The following FRYL variants were observed in gnomAD, a reference collection of about 807,000 sequenced individuals.
The protein encoded by FRYL is protein furry homolog-like.
FRYL carries 150 observed loss-of-function variants against 351.2 expected under a neutral mutation model. The ratio of observed to expected loss-of-function variants is 0.43; its 90% CI spans 0.37 to 0.49. The LOEUF (loss-of-function observed/expected upper bound fraction) is 0.49. Among genes scored for constraint, FRYL ranks in the 20% least tolerant of loss-of-function variants. The probability of loss-of-function intolerance (pLI) is 0.00; values close to 1 mark genes in which losing one functional copy is unlikely to be tolerated. For missense variants in FRYL, 3,036 were observed against 3,619.3 expected (o/e 0.84, Z 4.13); for synonymous variants, 1,153 against 1,257.1 (o/e 0.92, Z 1.75).
chr4:48,552,244 GGTGTGTGTGTGT>G (rs67155390), intron 36 of FRYL, among the ~76,000 whole-genome samples: 3,595 of 145,336 alleles, frequency 0.025, 51 homozygotes, highest in Middle Eastern at 0.043. Flanking sequence ...AGTCCAAAGG[GGTGTGTGTGTGT>G]GTGTGTGTGT....
intron 54 of FRYL, among the ~76,000 whole-genome samples, chr4:48,521,977 A>T (rs1364477766): frequency 6.6e-6 from 1 of 152,100 alleles, no homozygotes; most frequent in Non-Finnish European, 1.5e-5. Flanking sequence ...GAGCAAATGG[A>T]TCTAAATTAA....
intron 48 of FRYL, 49 bp downstream of exon 48, chr4:48,535,608 C>CACAG (rs1319707833): frequency 8.6e-7 from 1 of 1,157,160 alleles, no homozygotes; most frequent in Non-Finnish European, 1.2e-6. Context: ...CACACACACA[C>CACAG]ACACACATAT....
rs7670111 is a variant in FRYL at position 48,542,082 on chromosome 4, T to C, written c.5632A>G (p.Ile1878Val). The C allele has an allele frequency of 4.2e-3, 6,721 of 1,613,772 alleles. 234 individuals carry two copies. In the African/African-American group the frequency reaches 0.076, roughly 18 times the overall value. Residue 1878 changes from isoleucine to valine, a missense_variant, in exon 45 of 64, where the codon ATT becomes GTT. Physicochemically the swap from Ile to Val is conservative, Grantham distance 29. Coordinates refer to ENST00000358350, the MANE Select transcript of FRYL (RefSeq NM_015030.2). ...IELLLTLESA[I>V]DTLAETMKHY... Reference sequence around the variant, plus strand: ...TTCATGGTTTCAGCCAAAGTATCAATTGCAGATTCCAATGTGAGAAGAAGC... The same window carrying C: ...TTCATGGTTTCAGCCAAAGTATCAACTGCAGATTCCAATGTGAGAAGAAGC...
chr4:48,579,476 G>A (rs1247384728), intron 22 of FRYL, among the ~76,000 whole-genome samples: 1 of 151,968 alleles, frequency 6.6e-6, no homozygotes, highest in Non-Finnish European at 1.5e-5. Flanking sequence ...TTCTCAAGAG[G>A]ACTATAAACC....
At chr4:48,578,743 T>C (rs1416775685) in intron 23 of FRYL, among the ~76,000 whole-genome samples, 1 of 152,210 alleles carries the variant, frequency 6.6e-6, no homozygotes, top group East Asian at 1.9e-4. Flanking sequence ...TACAGTGTTA[T>C]TAAGTAAATT....
chr4:48,656,275 AAT>A (rs1478677387), intron 3 of FRYL, among the ~76,000 whole-genome samples: 1 of 127,988 alleles, frequency 7.8e-6, no homozygotes, highest in Non-Finnish European at 1.6e-5. Context: ...ACATTATTCA[AAT>A]ATGAATTCAA....
chr4:48,677,700 C>T (rs927765863), intron 3 of FRYL, among the ~76,000 whole-genome samples: 73 of 152,094 alleles, frequency 4.8e-4, no homozygotes, highest in African/African-American at 1.5e-3. Context: ...CGTGAGCCAC[C>T]GCGTCAGCCC....
chr4:48,530,497 T>TA (rs1410512489), intron 50 of FRYL, among the ~76,000 whole-genome samples: 1 of 152,162 alleles, frequency 6.6e-6, no homozygotes, highest in South Asian at 2.1e-4. Context: ...ATACGCCAAC[T>TA]AAAAATCCTT....
chr4:48,693,486 C>A (rs1342357138), intron 2 of FRYL, among the ~76,000 whole-genome samples: 1 of 151,654 alleles, frequency 6.6e-6, no homozygotes, highest in Non-Finnish European at 1.5e-5. Flanking sequence ...TACTATTCTC[C>A]CCGTTTATTT....
chr4:48,765,664 C>G (rs543572890), intron 1 of FRYL, among the ~76,000 whole-genome samples: 9 of 152,072 alleles, frequency 5.9e-5, no homozygotes, highest in Admixed American at 3.9e-4. Context: ...GTCAAACTAA[C>G]AAGTTTCTGC....
chr4:48,510,216 CA>C, intron 58 of FRYL, 59 bp from the exon 59 acceptor site: 1 of 1,251,150 alleles, frequency 8.0e-7, no homozygotes, highest in Non-Finnish European at 1.2e-6. Flanking sequence ...ATGAGACTCA[CA>C]AAATCATGAG....
chr4:48,563,589 A>G (rs763033161), intron 31 of FRYL, among the ~76,000 whole-genome samples: 3 of 151,988 alleles, frequency 2.0e-5, no homozygotes, highest in Non-Finnish European at 2.9e-5. Flanking sequence ...GGGAGCCTAC[A>G]GTCCTGGCTA....
chr4:48,571,052 T>C, intron 26 of FRYL, 134 bp from the exon 27 acceptor site: 1 of 584,986 alleles, frequency 1.7e-6, no homozygotes. Flanking sequence ...GTGGGTACTC[T>C]GGTAGCTACT....
intron 2 of FRYL, among the ~76,000 whole-genome samples, chr4:48,700,530 C>T (rs1409589108): frequency 6.6e-6 from 1 of 152,094 alleles, no homozygotes; most frequent in African/African-American, 2.4e-5. Flanking sequence ...CAGCTAGACA[C>T]AGTGGTCACG....
chr4:48,573,391 A>T (rs1383935417), intron 25 of FRYL, 148 bp from the exon 26 acceptor site: 31 of 594,012 alleles, frequency 5.2e-5, no homozygotes, highest in Admixed American at 9.8e-5. Flanking sequence ...TTTGGTTTAT[A>T]AAATAACACA....
At chr4:48,580,983 T>G in intron 21 of FRYL, 32 bp from the exon 22 acceptor site, 1 of 1,438,440 alleles carries the variant, frequency 7.0e-7, no homozygotes, top group South Asian at 1.3e-5. Context: ...TCTAAAAAAA[T>G]TAGGAATGTT....
At chr4:48,505,684 C>CAACA (rs1553912736) in intron 59 of FRYL, 69 bp from the exon 60 acceptor site, 3 of 909,384 alleles carry the variant, frequency 3.3e-6, no homozygotes, top group South Asian at 1.5e-5. Flanking sequence ...TGTCCATATA[C>CAACA]AACACCAAAC....
chr4:48,565,206 T>C (rs1171135608), intron 29 of FRYL, among the ~76,000 whole-genome samples, 163 bp from the exon 30 acceptor site: 1 of 152,058 alleles, frequency 6.6e-6, no homozygotes, highest in South Asian at 2.1e-4. Context: ...TAAGTAAATA[T>C]GATACCAAAT....
intron 22 of FRYL, 63 bp downstream of exon 22, chr4:48,580,802 A>G (rs1471239471): frequency 1.8e-5 from 18 of 996,078 alleles, no homozygotes; most frequent in Non-Finnish European, 2.8e-5. Flanking sequence ...ATGTACATGT[A>G]TACATATGTG....
Sources: allele counts gnomAD v4.1 joint callset (sites outside exome capture counted in the v4.1 genomes callset), GRCh38; gene constraint gnomAD v4.1.1; transcripts MANE v1.5; gene names NCBI Gene and HGNC (gene_info 2026-07-23, HGNC 2026-07-21).